The following APLF variants were observed in gnomAD, a reference collection of about 807,000 sequenced individuals.
APLF encodes aprataxin and PNK-like factor.
Under a neutral mutation model 55.6 loss-of-function variants are expected in APLF, and 61 were observed. The ratio of observed to expected loss-of-function variants is 1.10; its 90% CI spans 0.89 to 1.36. APLF has a LOEUF of 1.36. Ranked by LOEUF, APLF falls within the 40% of genes most tolerant of loss-of-function variation. The probability of loss-of-function intolerance (pLI) is 0.00; values close to 1 mark genes in which losing one functional copy is unlikely to be tolerated. For missense variants in APLF, 611 were observed against 602.5 expected, an observed-to-expected ratio of 1.01 and a Z score of -0.15; for synonymous variants, 207 against 214.8, an observed-to-expected ratio of 0.96 and a Z score of 0.32.
chr2:68,574,081 A>T (rs1407179034), intron 9 of APLF, among the ~76,000 whole-genome samples: 1 of 131,940 alleles, frequency 7.6e-6, no homozygotes, highest in African/African-American at 2.8e-5. Context: ...AACCCAAATT[A>T]AAAAAAAAAA....
At chr2:68,570,287 AAT>A (rs60637376) in intron 9 of APLF, among the ~76,000 whole-genome samples, 17,963 of 146,664 alleles carry the variant, frequency 0.12, 2,070 homozygotes, top group African/African-American at 0.32. Flanking sequence ...TTTTTTTTTT[AAT>A]ATATATATAT....
intron 1 of APLF, among the ~76,000 whole-genome samples, chr2:68,479,040 C>T (rs563947566): frequency 6.6e-6 from 1 of 152,280 alleles, no homozygotes; most frequent in African/African-American, 2.4e-5. Flanking sequence ...TTCTTTTGAA[C>T]AATGCCTCTG....
intron 7 of APLF, among the ~76,000 whole-genome samples, chr2:68,540,232 C>T (rs572897366): frequency 6.6e-6 from 1 of 152,046 alleles, no homozygotes; most frequent in Admixed American, 6.5e-5. Flanking sequence ...CATTGTTCAA[C>T]TCCCACTTAT....
At position 68,529,448 on chromosome 2, in the gene APLF, C is replaced by G. The variant is rs1003678410; in HGVS notation, c.804+3206C>G. The G allele has an allele frequency of 5.1e-6, 6 of 1,166,950 alleles. No individual in the cohort carries two copies. Among genetic ancestry groups the G allele is most frequent in the Non-Finnish European group, 6.4e-6 (6 of 943,974 alleles). 72.3% of individuals were successfully genotyped at this position (1,166,950 alleles called of 1,614,324 possible). A position where few individuals can be genotyped will look rare whatever the true frequency, so the allele number is the denominator to read the frequency against. The stretch of plus-strand genomic sequence containing the variant: ...GCGGCGGAACCAGGAACAAAATACG[C>G]TTAGTGAGTTGTCCATTTTGAGCGA... On this transcript the variant is annotated intron_variant, in intron 6 of 9. Transcript: ENST00000303795. This position sits in a 1 kb window ranked among gnomAD's most constrained non-coding sequence, Gnocchi z 4.4.
chr2:68,568,701 C>T (rs557820999), intron 9 of APLF, among the ~76,000 whole-genome samples: 7 of 152,192 alleles, frequency 4.6e-5, no homozygotes, highest in African/African-American at 1.4e-4. Context: ...TATGACTACA[C>T]ATCATATAGC....
chr2:68,528,567 G>A (rs1670150489), intron 6 of APLF: 4 of 1,534,014 alleles, frequency 2.6e-6, no homozygotes, highest in African/African-American at 2.7e-5. Flanking sequence ...TCCTTGGGCT[G>A]CATGTCCTCC....
chr2:68,541,991 A>G (rs930248519), intron 7 of APLF, among the ~76,000 whole-genome samples: 1 of 152,184 alleles, frequency 6.6e-6, no homozygotes, highest in African/African-American at 2.4e-5. Context: ...ATCCTCATAT[A>G]TATGGTTAAA....
At chr2:68,538,864 A>G (rs1382963229) in intron 7 of APLF, among the ~76,000 whole-genome samples, 2 of 152,186 alleles carry the variant, frequency 1.3e-5, no homozygotes, top group African/African-American at 4.8e-5. Context: ...ATTTCTTGCC[A>G]TTCCAACTTG....
At chr2:68,567,984 C>T (rs1671353011) in intron 9 of APLF, among the ~76,000 whole-genome samples, 1 of 152,062 alleles carries the variant, frequency 6.6e-6, no homozygotes, top group African/African-American at 2.4e-5. Flanking sequence ...GATCCAATCA[C>T]CATGGCCACT....
At chr2:68,562,969 C>T (rs745420101) in intron 8 of APLF, 27 of 569,586 alleles carry the variant, frequency 4.7e-5, no homozygotes, top group Admixed American at 6.4e-5. Flanking sequence ...TCTGTGAGTT[C>T]TGTTTACCAT....
intron 8 of APLF, among the ~76,000 whole-genome samples, chr2:68,548,268 T>A (rs1046020906): frequency 6.6e-6 from 1 of 151,874 alleles, no homozygotes; most frequent in Non-Finnish European, 1.5e-5. Context: ...AAAAGTAAGG[T>A]GTTTTTAATC....
At chr2:68,495,108 C>G (rs1348429844) in intron 2 of APLF, among the ~76,000 whole-genome samples, 1 of 152,108 alleles carries the variant, frequency 6.6e-6, no homozygotes, top group Non-Finnish European at 1.5e-5. Flanking sequence ...GGGACAAATA[C>G]CCAAACTGTG....
intron 5 of APLF, among the ~76,000 whole-genome samples, chr2:68,525,742 C>T (rs149479419): frequency 0.01 from 856 of 82,092 alleles, 40 homozygotes; most frequent in African/African-American, 0.05. Flanking sequence ...TTCTTTCTTT[C>T]TTTTTTTTTT....
Position 68,494,113 on chromosome 2 carries a change from A to G in APLF, c.168+3852A>G, listed in dbSNP as rs370077106. On this transcript the variant is annotated intron_variant, in intron 2 of 9. Coordinates refer to ENST00000303795, the MANE Select transcript of APLF (RefSeq NM_173545.3). ...ACAGAGTGAGACTCCGTCCCAAAAGAGAAAAAAAAAAAATTAGCCAGGCGT... is the reference window on the plus strand; with the variant it reads ...ACAGAGTGAGACTCCGTCCCAAAAGGGAAAAAAAAAAAATTAGCCAGGCGT... Among the ~76,000 whole-genome samples, 281 of 148,052 alleles carry G rather than the reference A, an allele frequency of 1.9e-3. 1 individual carries two copies. The highest frequency in any genetic ancestry group is 6.7e-3 in the African/African-American group (267 of 40,082).
In APLF at chr2:68,527,628, G is replaced by A. The variant is rs545131576; in HGVS notation, c.804+1386G>A. 1.1e-4 allele frequency among the ~76,000 whole-genome samples: 16 copies of A among 149,476 alleles called. No homozygotes were observed. The East Asian group carries it at 1.6e-3, about 15-fold the overall frequency. On this transcript the variant is annotated intron_variant, in intron 6 of 9. Transcript: ENST00000303795. ...TCGATTCGCAGACAGGATGGCAGCC[G>A]GGCAGAGGCGCTCCTCACTTCCCAG...
intron 9 of APLF, among the ~76,000 whole-genome samples, chr2:68,571,249 G>C (rs979810263): frequency 6.6e-6 from 1 of 152,010 alleles, no homozygotes; most frequent in African/African-American, 2.4e-5. Flanking sequence ...TAGGTTGCCT[G>C]TTCACTCTGA....
At chr2:68,503,304 C>T (rs1676778510) in intron 3 of APLF, among the ~76,000 whole-genome samples, 1 of 152,010 alleles carries the variant, frequency 6.6e-6, no homozygotes, top group African/African-American at 2.4e-5. Flanking sequence ...TGTCTAACTC[C>T]TCTTTCTTAT....
rs949353049 is a variant in APLF, at chr2:68,519,193, T to C, written c.622+5513T>C. The stretch of plus-strand genomic sequence containing the variant: ...TTGGACCAATGTGACTATATATTTA[T>C]AATATATAAATATATATTATCTATA... On this transcript the variant is annotated intron_variant, in intron 5 of 9. Coordinates refer to ENST00000303795, the MANE Select transcript of APLF (RefSeq NM_173545.3). 1.7e-4 allele frequency among the ~76,000 whole-genome samples: 24 copies of C among 139,498 alleles called. No individual in the cohort carries two copies. In the East Asian group the frequency reaches 4.4e-3, roughly 25 times the overall value. The allele number at this position is 139,498 out of a possible 152,430, so 91.5% of individuals were successfully genotyped here.
chr2:68,494,866 G>A (rs146345038), intron 2 of APLF, among the ~76,000 whole-genome samples: 2 of 152,132 alleles, frequency 1.3e-5, no homozygotes, highest in African/African-American at 4.8e-5. Context: ...GTATTCCATG[G>A]TATATATATA....
Sources: allele counts gnomAD v4.1 joint callset (sites outside exome capture counted in the v4.1 genomes callset), GRCh38; gene constraint gnomAD v4.1.1; non-coding constraint Gnocchi (gnomAD v3.1); transcripts MANE v1.5; gene names NCBI Gene and HGNC (gene_info 2026-07-23, HGNC 2026-07-21).